Variants in THSD7B observed in about 807,000 individuals in gnomAD.
The protein encoded by THSD7B is thrombospondin type 1 domain containing 7B.
In THSD7B, 138 loss-of-function variants were observed where a neutral mutation model predicts 213.6. The ratio of observed to expected loss-of-function variants is 0.65; its 90% confidence interval spans 0.56 to 0.74. The LOEUF (loss-of-function observed/expected upper bound fraction) is 0.74. THSD7B is among the 30% of genes least tolerant of loss of function. The pLI, the probability that THSD7B is intolerant of heterozygous loss-of-function variation, is 0.00. For missense variants in THSD7B, 1,931 were observed against 1,991.5 expected (o/e 0.97, Z 0.58); for synonymous variants, 742 against 687.0 (o/e 1.08, Z -1.25).
intron 12 of THSD7B, among the ~76,000 whole-genome samples, chr2:137,293,366 G>A (rs182478535): frequency 9.9e-5 from 15 of 152,080 alleles, no homozygotes; most frequent in Admixed American, 5.2e-4. Context: ...TAAAATCCCT[G>A]AGCTCAAGTG....
intron 25 of THSD7B, among the ~76,000 whole-genome samples, chr2:137,662,545 C>T (rs1228784493): frequency 6.6e-6 from 1 of 152,040 alleles, no homozygotes; most frequent in Non-Finnish European, 1.5e-5. Context: ...TTCTTAGCTA[C>T]CTACTCTAAC....
chr2:137,608,481 G>A (rs78821090), intron 17 of THSD7B, among the ~76,000 whole-genome samples: 2 of 152,014 alleles, frequency 1.3e-5, no homozygotes, highest in African/African-American at 4.8e-5. Flanking sequence ...TCCCAGCTTA[G>A]ATATCTACTA....
chr2:136,964,782 C>A (rs1356014161), intron 2 of THSD7B, among the ~76,000 whole-genome samples: 1 of 152,136 alleles, frequency 6.6e-6, no homozygotes, highest in East Asian at 1.9e-4. Flanking sequence ...GCAGGTGGAT[C>A]ATGAGGTCAG....
At chr2:137,593,558 G>A in intron 17 of THSD7B, among the ~76,000 whole-genome samples, 1 of 1,604 alleles carries the variant, frequency 6.2e-4, no homozygotes, top group South Asian at 0.12. Context: ...CAGTTTATGG[G>A]TCATTAGATA....
At chr2:136,843,682 T>C (rs981360433) in intron 1 of THSD7B, among the ~76,000 whole-genome samples, 9 of 152,168 alleles carry the variant, frequency 5.9e-5, no homozygotes, top group African/African-American at 2.2e-4. Flanking sequence ...CTACAGCTGA[T>C]CCATGTGCAG....
At position 136,882,939 on chromosome 2, in the gene THSD7B, G is replaced by A. The variant is rs538415881; in HGVS notation, c.139+622G>A. Among the ~76,000 whole-genome samples, 505 of 152,122 alleles carry A rather than the reference G, an allele frequency of 3.3e-3. 1 individual carries two copies. Among genetic ancestry groups the A allele is most frequent in the Non-Finnish European group, 5.9e-3 (400 of 67,990 alleles). ...CTAAATATTTCCTTAATTTGGCTGT[G>A]AAAAAGATCTGTTAAATTTAATTTC... On this transcript the variant is annotated intron_variant, in intron 2 of 27. Coordinates refer to ENST00000409968, the MANE Select transcript of THSD7B (RefSeq NM_001316349.2).
chr2:137,397,654 C>T (rs909877223), intron 12 of THSD7B, among the ~76,000 whole-genome samples: 2 of 151,208 alleles, frequency 1.3e-5, no homozygotes, highest in Non-Finnish European at 3.0e-5. Context: ...TGGAGTTGCT[C>T]TTCTCGAGGA....
At chr2:137,227,299 GTC>G (rs1345210625) in intron 7 of THSD7B, among the ~76,000 whole-genome samples, 1 of 152,128 alleles carries the variant, frequency 6.6e-6, no homozygotes, top group Admixed American at 6.5e-5. Flanking sequence ...GTTTAAATAA[GTC>G]TATTCCACAA....
chr2:136,976,867 C>T (rs911702982), intron 2 of THSD7B, among the ~76,000 whole-genome samples: 55 of 152,068 alleles, frequency 3.6e-4, no homozygotes, highest in African/African-American at 1.3e-3. Context: ...GTGATCCACC[C>T]GCCTCGGCCT....
At chr2:137,431,961 CCTGA>C (rs766023861) in intron 14 of THSD7B, among the ~76,000 whole-genome samples, 4 of 152,130 alleles carry the variant, frequency 2.6e-5, no homozygotes, top group East Asian at 1.9e-4. Context: ...AAACCTACTT[CCTGA>C]CTAAGAGCTT....
At chr2:137,675,729 A>G (rs896104267) in intron 27 of THSD7B, among the ~76,000 whole-genome samples, 4 of 152,144 alleles carry the variant, frequency 2.6e-5, no homozygotes, top group African/African-American at 9.7e-5. Context: ...GGAGACAGGG[A>G]GAGAGATGAA....
intron 12 of THSD7B, among the ~76,000 whole-genome samples, chr2:137,278,768 C>A (rs1682931055): frequency 6.6e-6 from 1 of 152,060 alleles, no homozygotes; most frequent in African/African-American, 2.4e-5. Context: ...TCAGGTTTGA[C>A]CTGGACAACT....
chr2:136,858,582 C>T (rs1683210776), intron 1 of THSD7B, among the ~76,000 whole-genome samples: 1 of 152,192 alleles, frequency 6.6e-6, no homozygotes, highest in Non-Finnish European at 1.5e-5. Context: ...CTGCCAATAC[C>T]ATATTTTATT....
At chr2:137,550,508 A>C (rs1366808973) in intron 15 of THSD7B, among the ~76,000 whole-genome samples, 2 of 152,256 alleles carry the variant, frequency 1.3e-5, no homozygotes, top group African/African-American at 4.8e-5. Flanking sequence ...CATTACAAAT[A>C]ATATAAACTA....
At chr2:136,901,161 T>C (rs1684055708) in intron 2 of THSD7B, among the ~76,000 whole-genome samples, 1 of 152,214 alleles carries the variant, frequency 6.6e-6, no homozygotes, top group Non-Finnish European at 1.5e-5. Context: ...TATCCTTAAA[T>C]CTTAAGTTTC....
chr2:137,521,438 G>A (rs1190079910), intron 15 of THSD7B, among the ~76,000 whole-genome samples: 1 of 151,944 alleles, frequency 6.6e-6, no homozygotes, highest in Non-Finnish European at 1.5e-5. Flanking sequence ...GTCATGTGGA[G>A]TGCAGCACAC....
chr2:137,460,602 C>T (rs936309771), intron 15 of THSD7B, among the ~76,000 whole-genome samples: 1 of 151,948 alleles, frequency 6.6e-6, no homozygotes, highest in African/African-American at 2.4e-5. Flanking sequence ...TATTTTATTC[C>T]TAAACACCTT....
intron 20 of THSD7B, among the ~76,000 whole-genome samples, chr2:137,630,954 C>A (rs965435970): frequency 6.6e-6 from 1 of 152,156 alleles, no homozygotes; most frequent in African/African-American, 2.4e-5. Context: ...TTGGGCAAAA[C>A]CTGGTGTGCT....
intron 2 of THSD7B, among the ~76,000 whole-genome samples, chr2:136,984,403 T>TGA: frequency 6.6e-6 from 1 of 152,312 alleles, no homozygotes; most frequent in South Asian, 2.1e-4. Context: ...TCAGTTATTT[T>TGA]GTGTGAGATC....
Sources: allele counts gnomAD v4.1 joint callset (sites outside exome capture counted in the v4.1 genomes callset), GRCh38; gene constraint gnomAD v4.1.1; transcripts MANE v1.5; gene names NCBI Gene and HGNC (gene_info 2026-07-23, HGNC 2026-07-21).